Variants in INPP5F observed in about 807,000 individuals in gnomAD.
INPP5F encodes inositol polyphosphate-5-phosphatase F.
INPP5F carries 97 observed loss-of-function variants against 137.2 expected under a neutral mutation model. The ratio of observed to expected loss-of-function variants is 0.71; its 90% CI spans 0.60 to 0.84. The LOEUF (loss-of-function observed/expected upper bound fraction) is 0.84, where lower values mean the gene tolerates loss of function less well. Ranked by LOEUF, INPP5F falls within the 40% of genes least tolerant of loss-of-function variation. The pLI is 0.00. For synonymous variants in INPP5F, 504 were observed against 476.9 expected (o/e 1.06, Z -0.74); for missense variants, 1,271 against 1,371.9 (o/e 0.93, Z 1.16).
intron 2 of INPP5F, among the ~76,000 whole-genome samples, chr10:119,777,588 G>A (rs1849567778): frequency 6.6e-6 from 1 of 152,142 alleles, no homozygotes; most frequent in African/African-American, 2.4e-5. Flanking sequence ...AAGAGACCTA[G>A]TGTAAAGATT....
chr10:119,785,286 GTTTTTTT>G (rs71019717), intron 3 of INPP5F, among the ~76,000 whole-genome samples: 2 of 106,230 alleles, frequency 1.9e-5, no homozygotes, highest in Admixed American at 9.8e-5. Flanking sequence ...CTGCCAGACT[GTTTTTTT>G]TTTTTTTTTG....
intron 15 of INPP5F, among the ~76,000 whole-genome samples, chr10:119,818,134 T>A (rs1262092675): frequency 1.3e-5 from 2 of 152,264 alleles, no homozygotes; most frequent in African/African-American, 4.8e-5. Flanking sequence ...CGCAGCTCTG[T>A]CCGGGCTACC....
intron 1 of INPP5F, among the ~76,000 whole-genome samples, chr10:119,746,891 C>T (rs935512175): frequency 2.0e-5 from 3 of 151,684 alleles, no homozygotes; most frequent in Admixed American, 6.6e-5. Context: ...CGGATTCAAG[C>T]GATTCTTGTG....
intron 2 of INPP5F, among the ~76,000 whole-genome samples, chr10:119,768,722 A>G (rs1360315771): frequency 6.6e-6 from 1 of 152,138 alleles, no homozygotes; most frequent in African/African-American, 2.4e-5. Context: ...TCAGGAATGT[A>G]GTGTGCAGTA....
chr10:119,792,334 T>A (rs747332116), intron 6 of INPP5F, 121 bp downstream of exon 6: 54 of 724,090 alleles, frequency 7.5e-5, no homozygotes, highest in Admixed American at 1.2e-4. Flanking sequence ...TTTTTAAAGA[T>A]CACTACGTTT....
Position 119,827,756 on chromosome 10 carries a change from C to T in INPP5F, c.3375C>T (p.Cys1125=). The T allele has an allele frequency of 1.2e-6, 2 of 1,608,042 alleles. No individual in the cohort carries two copies. Among genetic ancestry groups the T allele is most frequent in the Non-Finnish European group, 1.7e-6 (2 of 1,176,628 alleles). ...QNELKKMFIQ[C]QTRIIQI ...AACTTAAAAAGATGTTTATACAATG[C>T]CAGACACGGATAATTCAGATTTAGC... Residue 1125 remains cysteine, a synonymous_variant, in exon 20 of 20, where the codon TGC becomes TGT. Transcript: ENST00000650623.
chr10:119,751,719 T>C (rs1052887877), intron 2 of INPP5F, among the ~76,000 whole-genome samples: 5 of 152,236 alleles, frequency 3.3e-5, no homozygotes, highest in African/African-American at 1.2e-4. Context: ...ACAGGTATTA[T>C]ACAGGTGGGT....
intron 2 of INPP5F, among the ~76,000 whole-genome samples, chr10:119,757,839 T>C: frequency 6.6e-6 from 1 of 152,176 alleles, no homozygotes; most frequent in Non-Finnish European, 1.5e-5. Context: ...TAATTACATA[T>C]TAATTTTTTC....
At position 119,726,060 on chromosome 10, in the gene INPP5F, T is replaced by TACGGCCGCC. The variant is rs1031357290; in HGVS notation, c.-202_-194dup. On this transcript the variant is annotated 5_prime_UTR_variant, in exon 1 of 20. Transcript: ENST00000650623. ...GGGAGGAGCGGGGGGGAGAGGCCTC[T>TACGGCCGCC]ACGGCCGCCGCTGCCGCCGCCGCTG... 6 of 364,194 alleles carry TACGGCCGCC rather than the reference T, an allele frequency of 1.6e-5. No individual in the cohort carries two copies. The highest frequency in any genetic ancestry group is 6.5e-5 in the African/African-American group (3 of 46,134). The allele number at this position is 364,194 out of a possible 1,614,324, so 22.6% of individuals were successfully genotyped here. A position where few individuals can be genotyped will look rare whatever the true frequency, so the allele number is the denominator to read the frequency against.
At chr10:119,819,453 T>C (rs758525924) in intron 15 of INPP5F, 2 of 1,572,060 alleles carry the variant, frequency 1.3e-6, no homozygotes, top group South Asian at 2.4e-5. Context: ...AGTAACACTG[T>C]AATTAGTAGT....
intron 2 of INPP5F, among the ~76,000 whole-genome samples, chr10:119,774,223 C>T (rs1849448246): frequency 7.1e-6 from 1 of 140,634 alleles, no homozygotes; most frequent in Non-Finnish European, 1.5e-5. Flanking sequence ...GATCACGCCA[C>T]TGTACTCCAG....
intron 1 of INPP5F, among the ~76,000 whole-genome samples, chr10:119,740,902 T>G (rs753520987): frequency 7.2e-5 from 11 of 152,196 alleles, no homozygotes; most frequent in Non-Finnish European, 1.0e-4. Context: ...TACTGAATGG[T>G]AGGAGCCTGG....
intron 3 of INPP5F, among the ~76,000 whole-genome samples, chr10:119,789,453 T>C (rs931480879): frequency 6.6e-6 from 1 of 152,162 alleles, no homozygotes; most frequent in Admixed American, 6.5e-5. Context: ...TTTTTAAAAC[T>C]GCTGCTCTGC....
intron 1 of INPP5F, among the ~76,000 whole-genome samples, chr10:119,750,547 C>T (rs1848662656): frequency 6.6e-6 from 1 of 152,202 alleles, no homozygotes; most frequent in Non-Finnish European, 1.5e-5. Flanking sequence ...ATTGAGATGC[C>T]TGGCACGTAG....
At position 119,795,531 on chromosome 10, in the gene INPP5F, A is replaced by G. The variant is rs540367060; in HGVS notation, c.670-1184A>G. On this transcript the variant is annotated intron_variant, in intron 6 of 19. Coordinates refer to ENST00000650623, the MANE Select transcript of INPP5F (RefSeq NM_014937.4). ...TTCCCAGATGTGATGGCGGCTGGGA[A>G]GAGGCGCTCCTCACTTCCTAGATGG... 2.7e-5 allele frequency among the ~76,000 whole-genome samples: 4 copies of G among 148,772 alleles called. 1 individual carries two copies. The East Asian group carries it at 8.1e-4, about 30-fold the overall frequency.
chr10:119,806,683 C>T (rs561961025), intron 12 of INPP5F, among the ~76,000 whole-genome samples: 1 of 152,256 alleles, frequency 6.6e-6, no homozygotes, highest in Non-Finnish European at 1.5e-5. Flanking sequence ...CTTAATCACT[C>T]ATTTCAAAAA....
chr10:119,793,986 G>A (rs1387366223), intron 6 of INPP5F, among the ~76,000 whole-genome samples: 2 of 152,070 alleles, frequency 1.3e-5, no homozygotes, highest in Non-Finnish European at 2.9e-5. Context: ...TAATTATGTT[G>A]GATGACATTT....
At chr10:119,822,404 C>G in intron 16 of INPP5F, 27 bp from the exon 17 acceptor site, 1 of 1,268,326 alleles carries the variant, frequency 7.9e-7, no homozygotes, top group Non-Finnish European at 1.1e-6. Context: ...TTTAAATCCT[C>G]TTTTAACTTC....
chr10:119,772,960 G>A (rs1287391723), intron 2 of INPP5F, among the ~76,000 whole-genome samples: 4 of 152,062 alleles, frequency 2.6e-5, no homozygotes. Context: ...GTGTTGGCCA[G>A]GATGGTCTTG....
Sources: allele counts gnomAD v4.1 joint callset (sites outside exome capture counted in the v4.1 genomes callset), GRCh38; gene constraint gnomAD v4.1.1; transcripts MANE v1.5; gene names NCBI Gene and HGNC (gene_info 2026-07-23, HGNC 2026-07-21).